AGRN: variants seen among roughly 807,000 people sequenced by gnomAD.
The protein encoded by AGRN is agrin proteoglycan.
A neutral mutation model predicts 211.0 loss-of-function variants in AGRN; 106 were observed. The ratio of observed to expected loss-of-function variants is 0.50; its 90% confidence interval spans 0.43 to 0.59. The LOEUF is 0.59. AGRN is among the 20% of genes least tolerant of loss of function. The probability of loss-of-function intolerance (pLI) is 0.00; values close to 1 mark genes in which losing one functional copy is unlikely to be tolerated. For synonymous variants in AGRN, 1,525 were observed against 1,332.5 expected (o/e 1.14, Z -3.15); for missense variants, 3,040 against 2,982.6 (o/e 1.02, Z -0.45).
intron 3 of AGRN, among the ~76,000 whole-genome samples, chr1:1,035,844 A>T (rs2799055): frequency 6.7e-6 from 1 of 150,090 alleles, no homozygotes; most frequent in Non-Finnish European, 1.5e-5. Context: ...TCATGGGGGG[A>T]CACAAGTGAT....
Position 1,045,855 on chromosome 1 carries a change from G to T in AGRN, c.2659G>T (p.Gly887Cys), listed in dbSNP as rs373631709. The T allele has an allele frequency of 5.6e-6, 9 of 1,611,084 alleles. No individual in the cohort carries two copies. In the Admixed American group the frequency reaches 1.0e-4, roughly 18 times the overall value. Residue 887 changes from glycine (G) to cysteine (C), a missense_variant, in exon 15 of 36, where the codon GGC becomes TGC. Gly to Cys is a radical substitution (Grantham distance 159, BLOSUM62 -3). Around this residue, in one of 3 missense-constraint regions of AGRN, gnomAD observed 1,498 missense variants for 1,457.8 expected, o/e 1.03. Coordinates refer to ENST00000379370, the MANE Select transcript of AGRN (RefSeq NM_198576.4). ...CGQCPDGRAL[G>C]PAGCEADASA... ...GCAGTGTCCAGACGGCCGTGCCCTGGGCCCCGCGGGCTGTGAAGCTGGTGA... is the reference window on the plus strand; with the variant it reads ...GCAGTGTCCAGACGGCCGTGCCCTGTGCCCCGCGGGCTGTGAAGCTGGTGA...
At chr1:1,021,009 C>T (rs1004960203) in intron 1 of AGRN, among the ~76,000 whole-genome samples, 6 of 152,016 alleles carry the variant, frequency 3.9e-5, no homozygotes, top group African/African-American at 1.4e-4. Context: ...CTTCTGGGAG[C>T]CCCCGGGGTA....
In AGRN at chr1:1,049,231, C is replaced by G. The variant is rs762800472; in HGVS notation, c.4299-5C>G. On this transcript the variant is annotated splice_polypyrimidine_tract_variant and splice_region_variant and intron_variant, in intron 24 of 35. Transcript: ENST00000379370. Reference sequence around the variant, plus strand: ...ATGGTCCTGAGCACCTGCTCCTGCCCTCAGGTTTGACACAGGTTCGGGGCC... The same window carrying G: ...ATGGTCCTGAGCACCTGCTCCTGCCGTCAGGTTTGACACAGGTTCGGGGCC... 7 of 1,575,606 alleles carry G rather than the reference C, an allele frequency of 4.4e-6. No homozygotes were observed. Among genetic ancestry groups the G allele is most frequent in the Non-Finnish European group, 6.0e-6 (7 of 1,167,214 alleles).
Position 1,031,155 on chromosome 1 carries a change from TGA to T in AGRN, c.464-4119_464-4118del, listed in dbSNP as rs1481175525. 7.3e-6 allele frequency among the ~76,000 whole-genome samples: 1 copy of T among 137,774 alleles called. No homozygotes were observed. The highest frequency in any genetic ancestry group is 2.2e-4 in the East Asian group (1 of 4,528). 90.4% of individuals were successfully genotyped at this position (137,774 alleles called of 152,430 possible). On this transcript the variant is annotated intron_variant, in intron 2 of 35. Coordinates refer to ENST00000379370, the MANE Select transcript of AGRN (RefSeq NM_198576.4). The surrounding 1 kb of genome is among the most constrained non-coding windows in gnomAD (Gnocchi z 4.8). The stretch of plus-strand genomic sequence containing the variant: ...TGTGTGTGCAGTGCATGGTGCTGTG[TGA>T]GATTGTGTGTGTGCAGTGCATGGTG...
chr1:1,046,962 G>GT lies in AGRN; in HGVS notation c.3388+6dup, dbSNP rs1645115117. ...CAGAGGGCTCCAACTGCCCCGGTGA[G>GT]TGGACGGCTGGGCGAGGGGAGTGTG... On this transcript the variant is annotated splice_donor_region_variant and intron_variant, in intron 19 of 35. Transcript: ENST00000379370. The GT allele has an allele frequency of 1.3e-6, 2 of 1,574,984 alleles. No homozygotes were observed. Among genetic ancestry groups the GT allele is most frequent in the South Asian group, 2.3e-5 (2 of 86,016 alleles).
intron 2 of AGRN, chr1:1,034,127 C>G: frequency 1.0e-6 from 1 of 985,362 alleles, no homozygotes; most frequent in Non-Finnish European, 1.2e-6. Context: ...ATCGCCGCTT[C>G]CGCCTCTGCC....
At chr1:1,026,511 C>T (rs1455540124) in intron 2 of AGRN, among the ~76,000 whole-genome samples, 1 of 152,172 alleles carries the variant, frequency 6.6e-6, no homozygotes, top group Non-Finnish European at 1.5e-5. Context: ...CTGCCCCCAT[C>T]ACTGCAGGAG....
intron 7 of AGRN, 34 bp downstream of exon 7, chr1:1,042,196 G>A (rs777777849): frequency 2.5e-6 from 4 of 1,569,116 alleles, no homozygotes; most frequent in Admixed American, 1.7e-5. Context: ...AGGCGGGGTG[G>A]GCTGCTCCTG....
At chr1:1,054,319 A>C in intron 34 of AGRN, 129 bp from the exon 35 acceptor site, 1 of 869,970 alleles carries the variant, frequency 1.1e-6, no homozygotes, top group South Asian at 1.6e-5. Flanking sequence ...CCTTGCCCCC[A>C]GGGGTGATAC....
intron 2 of AGRN, among the ~76,000 whole-genome samples, chr1:1,022,895 G>A (rs564698728): frequency 5.9e-5 from 9 of 152,340 alleles, no homozygotes; most frequent in Admixed American, 4.6e-4. Flanking sequence ...GAGGCTGTGC[G>A]GCGAGGGCTT....
In AGRN at chr1:1,041,359, G is replaced by T. The variant is rs758748810; in HGVS notation, c.914G>T (p.Arg305Leu). ...ECQLLRRACA[R>L]QENVFKKFDG... ...CAGCTCCTGCGCCGCGCCTGCGCCCGCCAGGAGAATGTCTTCAAGAAGTTC... is the reference window on the plus strand; with the variant it reads ...CAGCTCCTGCGCCGCGCCTGCGCCCTCCAGGAGAATGTCTTCAAGAAGTTC... The change falls in exon 5 of 36, where the codon CGC becomes CTC. Residue 305 changes from arginine (R) to leucine (L), a missense_variant. This residue lies in a region of AGRN where 1,498 missense variants were observed against 1,457.8 expected (regional missense o/e 1.03). Coordinates refer to ENST00000379370, the MANE Select transcript of AGRN (RefSeq NM_198576.4). The T allele has an allele frequency of 1.3e-6, 2 of 1,534,942 alleles. No individual in the cohort carries two copies. The highest frequency in any genetic ancestry group is 1.7e-6 in the Non-Finnish European group (2 of 1,147,530).
intron 20 of AGRN, 29 bp from the exon 21 acceptor site, chr1:1,047,544 C>A: frequency 6.2e-7 from 1 of 1,612,520 alleles, no homozygotes; most frequent in Non-Finnish European, 8.5e-7. Context: ...TGGGCGGCCC[C>A]CCAAGTCCTT....
Position 1,051,652 on chromosome 1 carries a change from C to T in AGRN, c.5563+7C>T, listed in dbSNP as rs752430764. 1 of 1,612,614 alleles carries T rather than the reference C, an allele frequency of 6.2e-7. No individual in the cohort carries two copies. Among genetic ancestry groups the T allele is most frequent in the Non-Finnish European group, 8.5e-7 (1 of 1,179,764 alleles). ...GGACCGCACTGCGAGAAGGGTGAGCCTGGCACAGGGCAGGGGGCGGAGGCC... is the reference window on the plus strand; with the variant it reads ...GGACCGCACTGCGAGAAGGGTGAGCTTGGCACAGGGCAGGGGGCGGAGGCC... On this transcript the variant is annotated splice_region_variant and intron_variant, in intron 32 of 35. Transcript: ENST00000379370.
chr1:1,034,387 C>T (rs1644750378), intron 2 of AGRN: 4 of 985,570 alleles, frequency 4.1e-6, no homozygotes, highest in African/African-American at 3.5e-5. Context: ...GGACTGGAGC[C>T]GGGACCTGGC....
chr1:1,049,236 G>T lies in AGRN; in HGVS notation c.4299G>T (p.Arg1433Ser). The T allele has an allele frequency of 6.3e-7, 1 of 1,580,554 alleles. No individual in the cohort carries two copies. The highest frequency in any genetic ancestry group is 8.6e-7 in the Non-Finnish European group (1 of 1,169,424). ...LALLDGRVQL[R>S]FDTGSGPAVL... is the part of the protein sequence containing the mutation. ...CCTGAGCACCTGCTCCTGCCCTCAG[G>T]TTTGACACAGGTTCGGGGCCGGCGG... Residue 1433 changes from arginine to serine, a missense_variant and splice_region_variant, in exon 25 of 36, where the codon AGG (arginine) becomes AGT (serine). Physicochemically the swap from Arg to Ser is moderately radical, Grantham distance 110. Coordinates refer to ENST00000379370, the MANE Select transcript of AGRN (RefSeq NM_198576.4).
intron 2 of AGRN, among the ~76,000 whole-genome samples, chr1:1,033,506 C>T (rs1644720921): frequency 6.6e-6 from 1 of 151,772 alleles, no homozygotes; most frequent in African/African-American, 2.4e-5. Flanking sequence ...CGACCTGCCC[C>T]GGCCGCACCC....
rs1292582325 is a variant in AGRN, at chr1:1,041,211, G to A, written c.766G>A (p.Gly256Ser). 1.4e-6 allele frequency: 2 copies of A among 1,470,898 alleles called. No individual in the cohort carries two copies. Among genetic ancestry groups the A allele is most frequent in the Admixed American group, 2.4e-5 (1 of 42,094 alleles). 91.1% of individuals were successfully genotyped at this position (1,470,898 alleles called of 1,614,324 possible). A position where few individuals can be genotyped will look rare whatever the true frequency, so the allele number is the denominator to read the frequency against. The change falls in exon 5 of 36, where the codon GGC (glycine) becomes AGC (serine). Residue 256 changes from glycine to serine, a missense_variant. Gly to Ser is a moderately conservative substitution (Grantham distance 56). Transcript: ENST00000379370. ...CTGCTCCAACGTGACCTGCAGCTTC[G>A]GCAGCACCTGTGCGCGCTCGGCCGA... ...DPCSNVTCSFGSTCARSADGL... is the reference protein window; with the variant it reads ...DPCSNVTCSFSSTCARSADGL...
rs2100645110 is a variant in AGRN at position 1,043,521 on chromosome 1, T to C, written c.1604-17T>C. 1.2e-6 allele frequency: 2 copies of C among 1,602,702 alleles called. No individual in the cohort carries two copies. The highest frequency in any genetic ancestry group is 1.7e-6 in the Non-Finnish European group (2 of 1,179,742). On this transcript the variant is annotated splice_polypyrimidine_tract_variant and intron_variant, in intron 8 of 35. Coordinates refer to ENST00000379370, the MANE Select transcript of AGRN (RefSeq NM_198576.4). ...AGAGAGGTTCCTGGTCGCCTGGTGA[T>C]GGAAGCTCCTCCCCAGACCGCTGCG...
Position 1,040,717 on chromosome 1 carries a change from G to C in AGRN, c.564G>C (p.Glu188Asp). 6.5e-7 allele frequency: 1 copy of C among 1,547,294 alleles called. No homozygotes were observed. The highest frequency in any genetic ancestry group is 2.4e-5 in the East Asian group (1 of 40,982). ...GCGCCGTGTGCGAGCCCAACGCGGA[G>C]GGGCCGGGCCGGGCGTCCTGCGTCT... Reference protein sequence around the residue: ...GFGAVCEPNAEGPGRASCVCK... With the variant: ...GFGAVCEPNADGPGRASCVCK... The change falls in exon 4 of 36, where the codon GAG (glutamate) becomes GAC (aspartate). Residue 188 changes from glutamate (E) to aspartate (D), a missense_variant. Around this residue, in one of 3 missense-constraint regions of AGRN, gnomAD observed 1,498 missense variants for 1,457.8 expected, o/e 1.03. Coordinates refer to ENST00000379370, the MANE Select transcript of AGRN (RefSeq NM_198576.4).
Sources: gnomAD v4.1 joint callset for allele counts (sites outside exome capture counted in the v4.1 genomes callset) on GRCh38, gnomAD v4.1.1 for gene constraint, gnomAD v4.1.1 regional missense constraint, Gnocchi (gnomAD v3.1) non-coding constraint, MANE v1.5 for transcripts, NCBI Gene and HGNC (gene_info 2026-07-23, HGNC 2026-07-21) for gene names.